The following SRFBP1 variants were observed in gnomAD, a reference collection of about 807,000 sequenced individuals.
The protein encoded by SRFBP1 is serum response factor-binding protein 1.
Under a neutral mutation model 45.5 loss-of-function variants are expected in SRFBP1, and 47 were observed. That is an observed-to-expected ratio of 1.03 (90% confidence interval 0.82 to 1.32). SRFBP1 has a LOEUF of 1.32. SRFBP1 is among the 40% of genes most tolerant of loss of function. The pLI, the probability that SRFBP1 is intolerant of heterozygous loss-of-function variation, is 0.00. For synonymous variants in SRFBP1, 203 were observed against 166.3 expected (o/e 1.22, Z -1.70); for missense variants, 621 against 484.6 (o/e 1.28, Z -2.64).
chr5:122,077,103 C>G, downstream of SRFBP1: 2 of 1,523,432 alleles, frequency 1.3e-6, no homozygotes, highest in Non-Finnish European at 1.8e-6. This position sits in a 1 kb window ranked among gnomAD's most constrained non-coding sequence, Gnocchi z 4.9. Flanking sequence ...CTTCGCCCAC[C>G]GGGACTGCAG....
intron 4 of SRFBP1, among the ~76,000 whole-genome samples, chr5:122,014,298 A>G (rs1307387353): frequency 6.6e-6 from 1 of 152,178 alleles, no homozygotes. Flanking sequence ...GCTGTAGTAT[A>G]CATAATTCTA....
intron 4 of SRFBP1, among the ~76,000 whole-genome samples, chr5:122,001,848 A>G (rs1424406339): frequency 6.6e-6 from 1 of 152,160 alleles, no homozygotes; most frequent in Non-Finnish European, 1.5e-5. Flanking sequence ...GGCGTGAGCC[A>G]CCGCGCCCGG....
chr5:122,073,951 A>T, intron 2 of SRFBP1: 2 of 1,472,858 alleles, frequency 1.4e-6, no homozygotes, highest in Non-Finnish European at 1.9e-6. Context: ...AATGCTAACT[A>T]ACGGTAGATG....
intron 4 of SRFBP1, among the ~76,000 whole-genome samples, chr5:122,006,503 T>C (rs1752978124): frequency 6.6e-6 from 1 of 152,190 alleles, no homozygotes; most frequent in South Asian, 2.1e-4. Context: ...TGTTTTTCTC[T>C]TCCCCTTCAC....
intron 2 of SRFBP1, among the ~76,000 whole-genome samples, chr5:122,053,891 C>T (rs1276835864): frequency 6.6e-6 from 1 of 152,124 alleles, no homozygotes; most frequent in Non-Finnish European, 1.5e-5. Flanking sequence ...GCTGTATCCT[C>T]CAGCTGAGTT....
chr5:122,047,307 G>A (rs1023258370), intron 2 of SRFBP1, among the ~76,000 whole-genome samples: 7 of 151,898 alleles, frequency 4.6e-5, no homozygotes, highest in Admixed American at 3.3e-4. Context: ...ATAGGGAATC[G>A]TTTCCCCATT....
At chr5:121,962,902 A>G (rs1471732134) in intron 1 of SRFBP1, among the ~76,000 whole-genome samples, 1 of 152,234 alleles carries the variant, frequency 6.6e-6, no homozygotes, top group African/African-American at 2.4e-5. Flanking sequence ...AGTGTAAGGG[A>G]TATTTCATAT....
chr5:121,970,807 A>G (rs1057183120), intron 1 of SRFBP1, among the ~76,000 whole-genome samples: 1 of 152,160 alleles, frequency 6.6e-6, no homozygotes. Flanking sequence ...GTTAAGATGC[A>G]GTGTTGAATA....
At position 122,014,558 on chromosome 5, in the gene SRFBP1, T is replaced by C. The variant is rs571548933; in HGVS notation, c.271-4702T>C. ...AAAACACAGTTATAGAAGAAGACAT[T>C]AGAAAAAAAAAATTAAAAAAATCTT... On this transcript the variant is annotated intron_variant, in intron 4 of 7. Transcript: ENST00000339397. Among the ~76,000 whole-genome samples the C allele has an allele frequency of 3.4e-4, 51 of 150,566 alleles. 1 individual carries two copies. The East Asian group carries it at 1.0e-2, about 29-fold the overall frequency.
In SRFBP1 at chr5:122,007,758, G is replaced by A. The variant is rs373728747; in HGVS notation, c.271-11502G>A. On this transcript the variant is annotated intron_variant, in intron 4 of 7. Coordinates refer to ENST00000339397, the MANE Select transcript of SRFBP1 (RefSeq NM_152546.3). ...GCCAACCTGGAGCGTGGGGCCTTGG[G>A]GACTCAGCCTGGCACTGGGCAGGTT... Among the ~76,000 whole-genome samples, 35 of 150,530 alleles carry A rather than the reference G, an allele frequency of 2.3e-4. No homozygotes were observed. In the East Asian group the frequency reaches 6.0e-3, roughly 26 times the overall value.
chr5:122,021,481 A>G (rs1195202527), intron 6 of SRFBP1, among the ~76,000 whole-genome samples: 1 of 152,216 alleles, frequency 6.6e-6, no homozygotes, highest in East Asian at 1.9e-4. Context: ...ATAGTCTTTA[A>G]TGAAATAGAA....
At chr5:122,078,909 A>G (rs1754720959), downstream of SRFBP1, among the ~76,000 whole-genome samples, 2 of 152,266 alleles carry the variant, frequency 1.3e-5, no homozygotes, top group Non-Finnish European at 1.5e-5. Flanking sequence ...CGCTGCAGCT[A>G]TGAATAAACC....
chr5:121,982,180 G>A (rs1463737478), intron 3 of SRFBP1, among the ~76,000 whole-genome samples: 1 of 151,922 alleles, frequency 6.6e-6, no homozygotes, highest in Admixed American at 6.6e-5. Flanking sequence ...CAAATTTAAT[G>A]TTTTAAAAGG....
intron 3 of SRFBP1, among the ~76,000 whole-genome samples, chr5:121,992,523 TCTTAA>T (rs1752639745): frequency 1.3e-5 from 2 of 152,098 alleles, no homozygotes; most frequent in African/African-American, 2.4e-5. Flanking sequence ...CTTAAAAAAT[TCTTAA>T]CTTAATTACA....
downstream of SRFBP1, chr5:122,076,984 C>T (rs1448927419): frequency 6.2e-7 from 1 of 1,613,672 alleles, no homozygotes; most frequent in South Asian, 1.1e-5. Context: ...TAGGGGTCGG[C>T]CACCAGGTCT....
intron 4 of SRFBP1, among the ~76,000 whole-genome samples, chr5:122,014,143 TAA>T (rs1461186242): frequency 6.6e-6 from 1 of 152,188 alleles, no homozygotes; most frequent in Non-Finnish European, 1.5e-5. Flanking sequence ...TTGTACTCTA[TAA>T]GTGTCTAAAA....
chr5:122,073,376 A>G (rs1390326553), intron 2 of SRFBP1, among the ~76,000 whole-genome samples: 7 of 152,206 alleles, frequency 4.6e-5, no homozygotes, highest in African/African-American at 1.2e-4. Context: ...ATTTAAATAT[A>G]TATGTGTGGA....
intron 1 of SRFBP1, among the ~76,000 whole-genome samples, chr5:121,967,349 C>A (rs963533145): frequency 6.6e-6 from 1 of 152,028 alleles, no homozygotes; most frequent in Non-Finnish European, 1.5e-5. Flanking sequence ...TCCGTAAGAA[C>A]CAATTTGTGT....
At chr5:121,980,242 A>G (rs770598657) in intron 3 of SRFBP1, among the ~76,000 whole-genome samples, 2 of 152,184 alleles carry the variant, frequency 1.3e-5, no homozygotes, top group Non-Finnish European at 2.9e-5. Context: ...TCAAACCTAT[A>G]GAAAATTGTA....
Sources: allele counts gnomAD v4.1 joint callset (sites outside exome capture counted in the v4.1 genomes callset), GRCh38; gene constraint gnomAD v4.1.1; non-coding constraint Gnocchi (gnomAD v3.1); transcripts MANE v1.5; gene names NCBI Gene and HGNC (gene_info 2026-07-23, HGNC 2026-07-21).